Variants in RSU1 observed in about 807,000 individuals in gnomAD.
RSU1 encodes the protein Ras suppressor protein 1, also known as rsu-1.
RSU1 carries 26 observed loss-of-function variants against 31.1 expected under a neutral mutation model. That is an observed-to-expected ratio of 0.84 (90% confidence interval 0.61 to 1.16). The LOEUF (loss-of-function observed/expected upper bound fraction) is 1.16. Ranked by LOEUF, RSU1 falls within the 50% of genes most tolerant of loss-of-function variation. RSU1 has a pLI of 0.00. For synonymous variants in RSU1, 164 were observed against 136.3 expected (o/e 1.20, Z -1.41); for missense variants, 320 against 339.1 (o/e 0.94, Z 0.44).
intron 3 of RSU1, among the ~76,000 whole-genome samples, chr10:16,764,948 A>T (rs1366213818): frequency 6.6e-6 from 1 of 151,392 alleles, no homozygotes; most frequent in Non-Finnish European, 1.5e-5. Flanking sequence ...GTATATGATT[A>T]GCTAAGTGCT....
rs55726762 is a variant in RSU1 at position 16,628,053 on chromosome 10, A to T, written c.732-34557T>A. ...GTATGGCAAACCGCCCAGAAGGGAGAGAGATTTTTCCAAATAGCTCTGACA... is the reference window on the plus strand; with the variant it reads ...GTATGGCAAACCGCCCAGAAGGGAGTGAGATTTTTCCAAATAGCTCTGACA... On this transcript the variant is annotated intron_variant, in intron 8 of 8. Transcript: ENST00000345264. Among the ~76,000 whole-genome samples the T allele has an allele frequency of 8.8e-4, 134 of 152,300 alleles. 1 individual carries two copies. Among genetic ancestry groups the T allele is most frequent in the Non-Finnish European group, 1.7e-3 (113 of 68,036 alleles).
chr10:16,722,343 A>G (rs1026580365), intron 7 of RSU1, among the ~76,000 whole-genome samples: 8 of 152,108 alleles, frequency 5.3e-5, no homozygotes, highest in African/African-American at 1.9e-4. Context: ...AACAGATGAA[A>G]AGTAAGAACC....
At chr10:16,620,769 C>CA (rs374293682) in intron 8 of RSU1, among the ~76,000 whole-genome samples, 1 of 151,488 alleles carries the variant, frequency 6.6e-6, no homozygotes, top group African/African-American at 2.4e-5. Flanking sequence ...GGTGTGAACC[C>CA]AGGAGGCGGA....
chr10:16,602,539 G>A (rs1833730429), intron 8 of RSU1, among the ~76,000 whole-genome samples: 1 of 152,170 alleles, frequency 6.6e-6, no homozygotes, highest in Admixed American at 6.5e-5. Flanking sequence ...TGCAGGGCAG[G>A]GAGTGCAGGC....
At chr10:16,616,656 A>T (rs1018283836) in intron 8 of RSU1, among the ~76,000 whole-genome samples, 1 of 152,206 alleles carries the variant, frequency 6.6e-6, no homozygotes, top group African/African-American at 2.4e-5. Context: ...CACATCAAAA[A>T]GCGTATCCAC....
intron 8 of RSU1, among the ~76,000 whole-genome samples, chr10:16,665,275 C>G (rs533365842): frequency 6.6e-6 from 1 of 152,148 alleles, no homozygotes; most frequent in South Asian, 2.1e-4. Flanking sequence ...TGCATTATCT[C>G]ATACACTCTT....
At chr10:16,684,213 G>A (rs1025904806) in intron 8 of RSU1, among the ~76,000 whole-genome samples, 1 of 152,152 alleles carries the variant, frequency 6.6e-6, no homozygotes, top group Non-Finnish European at 1.5e-5. Flanking sequence ...TCAAAATATA[G>A]CAAAGAAACA....
chr10:16,771,185 T>C (rs1222522028), intron 3 of RSU1, among the ~76,000 whole-genome samples: 2 of 152,006 alleles, frequency 1.3e-5, no homozygotes, highest in Non-Finnish European at 2.9e-5. Context: ...TGAGAATAGG[T>C]GAAAATGAGT....
intron 8 of RSU1, among the ~76,000 whole-genome samples, chr10:16,627,762 C>CAAAAAAAAAAAAA (rs74962434): frequency 3.0e-5 from 2 of 67,554 alleles, no homozygotes; most frequent in Non-Finnish European, 6.6e-5. Context: ...CATCTCAATA[C>CAAAAAAAAAAAAA]AAAAAAAAAA....
At chr10:16,793,302 TATCA>T (rs1213178074) in intron 2 of RSU1, among the ~76,000 whole-genome samples, 1 of 152,194 alleles carries the variant, frequency 6.6e-6, no homozygotes, top group Non-Finnish European at 1.5e-5. Context: ...ATAAAGGGTC[TATCA>T]ATCACAATTA....
chr10:16,789,059 T>C (rs74116717), intron 2 of RSU1, among the ~76,000 whole-genome samples: 5,381 of 152,262 alleles, frequency 0.035, 292 homozygotes, highest in African/African-American at 0.12. Flanking sequence ...AAAAAAAATG[T>C]TGCTCTTCTC....
At chr10:16,612,595 A>C (rs941383249) in intron 8 of RSU1, among the ~76,000 whole-genome samples, 2 of 152,242 alleles carry the variant, frequency 1.3e-5, no homozygotes, top group African/African-American at 4.8e-5. Context: ...GTAAGAGTCA[A>C]TAATCTTACG....
chr10:16,763,577 G>A (rs1249495146), intron 4 of RSU1, among the ~76,000 whole-genome samples: 1 of 152,098 alleles, frequency 6.6e-6, no homozygotes, highest in Non-Finnish European at 1.5e-5. Flanking sequence ...TCCAACACTG[G>A]GGATTACAAT....
At chr10:16,632,369 G>T (rs1012494957) in intron 8 of RSU1, among the ~76,000 whole-genome samples, 4 of 152,058 alleles carry the variant, frequency 2.6e-5, no homozygotes, top group African/African-American at 9.7e-5. Context: ...TTGGGACTCC[G>T]TGCTGTCTTC....
chr10:16,670,384 T>G (rs1181300154), intron 8 of RSU1, among the ~76,000 whole-genome samples: 1 of 152,166 alleles, frequency 6.6e-6, no homozygotes, highest in Non-Finnish European at 1.5e-5. Flanking sequence ...TCAAAGCAGC[T>G]AGCAATGCAT....
chr10:16,711,228 C>A (rs1836012216), intron 7 of RSU1, among the ~76,000 whole-genome samples: 1 of 152,016 alleles, frequency 6.6e-6, no homozygotes, highest in Non-Finnish European at 1.5e-5. Flanking sequence ...CTATAATTTT[C>A]TGTATTTCTG....
At chr10:16,670,070 G>C (rs1181857311) in intron 8 of RSU1, among the ~76,000 whole-genome samples, 1 of 152,172 alleles carries the variant, frequency 6.6e-6, no homozygotes, top group African/African-American at 2.4e-5. Flanking sequence ...TCTAGATAAA[G>C]CAGTTTCTAC....
At chr10:16,797,214 G>C (rs1838056660) in intron 2 of RSU1, among the ~76,000 whole-genome samples, 1 of 152,166 alleles carries the variant, frequency 6.6e-6, no homozygotes, top group South Asian at 2.1e-4. Flanking sequence ...ACCAATGATA[G>C]AGGCACACTG....
At chr10:16,596,931 C>T (rs897967347) in intron 8 of RSU1, among the ~76,000 whole-genome samples, 1 of 152,152 alleles carries the variant, frequency 6.6e-6, no homozygotes, top group Non-Finnish European at 1.5e-5. Flanking sequence ...CCACGTTGGA[C>T]ATGCTGGTCT....
Sources: allele counts gnomAD v4.1 joint callset (sites outside exome capture counted in the v4.1 genomes callset), GRCh38; gene constraint gnomAD v4.1.1; transcripts MANE v1.5; gene names NCBI Gene and HGNC (gene_info 2026-07-23, HGNC 2026-07-21).